Variants in RBM38 observed in about 807,000 individuals in gnomAD.
RBM38 encodes RNA-binding protein 38.
Under a neutral mutation model 23.5 loss-of-function variants are expected in RBM38, and 11 were observed. The ratio of observed to expected loss-of-function variants is 0.47; its 90% CI spans 0.29 to 0.77. RBM38 has a LOEUF of 0.77. Among genes scored for constraint, RBM38 ranks in the 30% least tolerant of loss-of-function variants. The pLI is 0.08. For missense variants in RBM38, 330 were observed against 351.9 expected, an observed-to-expected ratio of 0.94 and a Z score of 0.50; for synonymous variants, 165 against 166.1, an observed-to-expected ratio of 0.99 and a Z score of 0.05.
intron 3 of RBM38, among the ~76,000 whole-genome samples, chr20:57,406,473 G>C (rs1051554695): frequency 6.6e-6 from 1 of 152,234 alleles, no homozygotes; most frequent in Non-Finnish European, 1.5e-5. Flanking sequence ...ACCTGGCCCC[G>C]TGTGTGAAAT....
At chr20:57,399,649 G>GA (rs1002716983) in intron 3 of RBM38, among the ~76,000 whole-genome samples, 1 of 152,216 alleles carries the variant, frequency 6.6e-6, no homozygotes, top group African/African-American at 2.4e-5. Context: ...GCCCCACAGA[G>GA]AGGGCGTTCG....
At chr20:57,401,806 A>G (rs1204975551) in intron 3 of RBM38, among the ~76,000 whole-genome samples, 1 of 152,302 alleles carries the variant, frequency 6.6e-6, no homozygotes, top group Admixed American at 6.5e-5. Context: ...GGGAGGGCGC[A>G]GTGCAAGTGG....
chr20:57,394,420 C>T (rs2067253621), intron 3 of RBM38, among the ~76,000 whole-genome samples: 2 of 152,134 alleles, frequency 1.3e-5, no homozygotes, highest in South Asian at 2.1e-4. Flanking sequence ...CTTGGGGTGA[C>T]TCGGGGGCTC....
chr20:57,392,340 A>C, intron 1 of RBM38: 1 of 1,233,970 alleles, frequency 8.1e-7, no homozygotes, highest in Non-Finnish European at 1.1e-6. Flanking sequence ...ACTGGTGGGC[A>C]AGTCCAGGCG....
At chr20:57,405,340 A>G (rs1172817663) in intron 3 of RBM38, among the ~76,000 whole-genome samples, 1 of 152,212 alleles carries the variant, frequency 6.6e-6, no homozygotes, top group African/African-American at 2.4e-5. Flanking sequence ...CGAGAGTCAG[A>G]ATTCAAACCC....
chr20:57,398,074 T>C (rs1467787186), intron 3 of RBM38, among the ~76,000 whole-genome samples: 5 of 152,224 alleles, frequency 3.3e-5, no homozygotes, highest in Admixed American at 3.3e-4. Context: ...GCAGTGTGCC[T>C]GGGTTAGTGT....
rs2067235353 is a variant in RBM38, at chr20:57,392,882, T to TCGGCTATCATGTGCCTGCAGAGC, written c.361+110_361+132dup. 8 of 1,466,540 alleles carry TCGGCTATCATGTGCCTGCAGAGC rather than the reference T, an allele frequency of 5.5e-6. No homozygotes were observed. In the South Asian group the frequency reaches 1.0e-4, roughly 19 times the overall value. 90.8% of individuals were successfully genotyped at this position (1,466,540 alleles called of 1,614,324 possible). A position where few individuals can be genotyped will look rare whatever the true frequency, so the allele number is the denominator to read the frequency against. On this transcript the variant is annotated intron_variant, in intron 2 of 3. Coordinates refer to ENST00000356208, the MANE Select transcript of RBM38 (RefSeq NM_017495.6). ...CCCCTCCTCGCCCCAGCAGTGGCAG[T>TCGGCTATCATGTGCCTGCAGAGC]CGGCTATCATGTGCCTGCAGAGCCG...
intron 3 of RBM38, among the ~76,000 whole-genome samples, chr20:57,394,847 G>A (rs904123174): frequency 2.6e-5 from 4 of 152,182 alleles, no homozygotes; most frequent in Admixed American, 1.3e-4. Context: ...GTGAGGGTGT[G>A]TGCCTCCAGT....
Position 57,407,014 on chromosome 20 carries a change from A to G in RBM38, c.417-529A>G, listed in dbSNP as rs1453771741. The stretch of plus-strand genomic sequence containing the variant: ...GTCTCAAAAAAAAAAAAAAAAACAA[A>G]CCCTGTGAGGAGCAGGTGTTGGCTG... On this transcript the variant is annotated intron_variant, in intron 3 of 3. Coordinates refer to ENST00000356208, the MANE Select transcript of RBM38 (RefSeq NM_017495.6). This position sits in a 1 kb window ranked among gnomAD's most constrained non-coding sequence, Gnocchi z 4.0. Among the ~76,000 whole-genome samples the G allele has an allele frequency of 1.3e-5, 2 of 149,242 alleles. No homozygotes were observed. Among genetic ancestry groups the G allele is most frequent in the South Asian group, 2.1e-4 (1 of 4,762 alleles).
At chr20:57,406,473 G>A (rs1051554695) in intron 3 of RBM38, among the ~76,000 whole-genome samples, 13 of 152,234 alleles carry the variant, frequency 8.5e-5, no homozygotes, top group Non-Finnish European at 1.9e-4. Context: ...ACCTGGCCCC[G>A]TGTGTGAAAT....
rs756466740 is a variant in RBM38, at chr20:57,393,344, A to G, written c.416+11A>G. On this transcript the variant is annotated intron_variant, in intron 3 of 3. Coordinates refer to ENST00000356208, the MANE Select transcript of RBM38 (RefSeq NM_017495.6). Reference sequence around the variant, plus strand: ...CCAGCGGACTTACGGGTGAGTGGACATGGCTGGCTTGGGGTGGGTAGTCCG... The same window carrying G: ...CCAGCGGACTTACGGGTGAGTGGACGTGGCTGGCTTGGGGTGGGTAGTCCG... 1.2e-6 allele frequency: 2 copies of G among 1,613,026 alleles called. No individual in the cohort carries two copies. The highest frequency in any genetic ancestry group is 1.1e-5 in the South Asian group (1 of 91,068).
At chr20:57,395,794 C>G (rs1021533659) in intron 3 of RBM38, among the ~76,000 whole-genome samples, 9 of 151,598 alleles carry the variant, frequency 5.9e-5, no homozygotes, top group African/African-American at 2.2e-4. Context: ...AGAGCTGGGC[C>G]GTCAGCGTCC....
At chr20:57,402,238 T>C (rs1274702825) in intron 3 of RBM38, among the ~76,000 whole-genome samples, 1 of 152,130 alleles carries the variant, frequency 6.6e-6, no homozygotes, top group Non-Finnish European at 1.5e-5. Flanking sequence ...GGTCTTGATG[T>C]TTTTAAGACA....
chr20:57,395,992 C>G (rs2064405684), intron 3 of RBM38, among the ~76,000 whole-genome samples: 1 of 152,184 alleles, frequency 6.6e-6, no homozygotes, highest in South Asian at 2.1e-4. Context: ...TGAACTCTTC[C>G]TTGACTTTCT....
chr20:57,402,585 G>C (rs1025174344), intron 3 of RBM38, among the ~76,000 whole-genome samples: 1 of 152,240 alleles, frequency 6.6e-6, no homozygotes, highest in African/African-American at 2.4e-5. Flanking sequence ...GCAGCTACCA[G>C]GCTGTGCCCT....
rs2067405403 is a variant in RBM38 at position 57,407,956 on chromosome 20, A to G, written c.*110A>G. 8.0e-6 allele frequency: 11 copies of G among 1,366,910 alleles called. No individual in the cohort carries two copies. The highest frequency in any genetic ancestry group is 1.1e-5 in the Non-Finnish European group (11 of 1,021,056). 84.7% of individuals were successfully genotyped at this position (1,366,910 alleles called of 1,614,324 possible). On this transcript the variant is annotated 3_prime_UTR_variant, in exon 4 of 4. Coordinates refer to ENST00000356208, the MANE Select transcript of RBM38 (RefSeq NM_017495.6). This position sits in a 1 kb window ranked among gnomAD's most constrained non-coding sequence, Gnocchi z 4.0. Reference sequence around the variant, plus strand: ...GGCTGAGCTTCAGTGAGGTGCCACCAGCACCCGTGCCTCCGAAGACCGCTC... The same window carrying G: ...GGCTGAGCTTCAGTGAGGTGCCACCGGCACCCGTGCCTCCGAAGACCGCTC...
At chr20:57,392,803 G>A (rs2067234252) in intron 2 of RBM38, 26 bp downstream of exon 2, 1 of 1,608,120 alleles carries the variant, frequency 6.2e-7, no homozygotes. Flanking sequence ...TTCCTGCCTG[G>A]CTCTTCTCGG....
chr20:57,401,487 C>CG lies in RBM38; in HGVS notation c.417-6049dup, dbSNP rs925061708. On this transcript the variant is annotated intron_variant, in intron 3 of 3. Transcript: ENST00000356208. ...GGCCTGGGAAGCAGAGGCCATTCCA[C>CG]GGGGGGGCTCTTTTGCCTCCCAGCT... Among the ~76,000 whole-genome samples, 28 of 152,260 alleles carry CG rather than the reference C, an allele frequency of 1.8e-4. No individual in the cohort carries two copies. The East Asian group carries it at 1.9e-3, about 10-fold the overall frequency.
intron 3 of RBM38, among the ~76,000 whole-genome samples, chr20:57,406,583 C>T (rs190623227): frequency 6.4e-4 from 97 of 152,298 alleles, no homozygotes; most frequent in Non-Finnish European, 7.8e-4. Context: ...CAGCTGTTGG[C>T]GCCATCATCT....
Sources: gnomAD v4.1 joint callset for allele counts (sites outside exome capture counted in the v4.1 genomes callset) on GRCh38, gnomAD v4.1.1 for gene constraint, Gnocchi (gnomAD v3.1) non-coding constraint, MANE v1.5 for transcripts, NCBI Gene and HGNC (gene_info 2026-07-23, HGNC 2026-07-21) for gene names.